The following NRXN3 variants were observed in gnomAD, a reference collection of about 807,000 sequenced individuals.
NRXN3 encodes neurexin III.
Under a neutral mutation model 137.6 loss-of-function variants are expected in NRXN3, and 32 were observed. That is an observed-to-expected ratio of 0.23 (90% CI 0.18 to 0.31). The LOEUF (loss-of-function observed/expected upper bound fraction) is 0.31. Among genes scored for constraint, NRXN3 ranks in the 10% least tolerant of loss-of-function variants. The pLI is 1.00. For missense variants in NRXN3, 1,574 were observed against 2,062.5 expected, an observed-to-expected ratio of 0.76 and a Z score of 4.59; for synonymous variants, 798 against 784.5, an observed-to-expected ratio of 1.02 and a Z score of -0.29.
chr14:79,684,250 T>C (rs1243583015), intron 17 of NRXN3, among the ~76,000 whole-genome samples: 2 of 151,334 alleles, frequency 1.3e-5, no homozygotes, highest in Non-Finnish European at 3.0e-5. Context: ...AAGTATGTTG[T>C]ATGAATGCAA....
At chr14:78,533,091 C>G (rs1250438328) in intron 4 of NRXN3, among the ~76,000 whole-genome samples, 1 of 149,928 alleles carries the variant, frequency 6.7e-6, no homozygotes, top group Non-Finnish European at 1.5e-5. Context: ...TCTCTCTCTC[C>G]CTCCAGCCTT....
At chr14:79,598,145 T>C (rs1279694381) in intron 16 of NRXN3, among the ~76,000 whole-genome samples, 3 of 152,182 alleles carry the variant, frequency 2.0e-5, no homozygotes, top group Non-Finnish European at 2.9e-5. Context: ...ATTTTAGAAA[T>C]AGGTGCTTTG....
At chr14:78,466,392 G>A (rs982608868) in intron 4 of NRXN3, among the ~76,000 whole-genome samples, 4 of 152,168 alleles carry the variant, frequency 2.6e-5, no homozygotes, top group African/African-American at 9.7e-5. Context: ...CATCAGAAAG[G>A]ACATAACAGG....
In NRXN3 at chr14:78,497,582, T is replaced by C. The variant is rs949475262; in HGVS notation, c.758-147538T>C. ...TAAATCCATTAATCTGTCTGTCCAT[T>C]CATCCATCCATCCATCCATCCATCC... is the stretch of plus-strand genomic sequence containing the variant. On this transcript the variant is annotated intron_variant, in intron 4 of 20. Coordinates refer to ENST00000335750, the MANE Select transcript of NRXN3 (RefSeq NM_001330195.2). Among the ~76,000 whole-genome samples the C allele has an allele frequency of 8.7e-4, 132 of 150,912 alleles. No homozygotes were observed. The East Asian group carries it at 0.017, about 19-fold the overall frequency.
chr14:78,278,632 A>G lies in NRXN3; in HGVS notation c.710-13A>G, dbSNP rs1215975436. On this transcript the variant is annotated splice_polypyrimidine_tract_variant and intron_variant, in intron 2 of 20. Transcript: ENST00000335750. The stretch of plus-strand genomic sequence containing the variant: ...CTCTCTCCCTTTCCCTCCCTTTGAA[A>G]ATGCTGCCACAGATGTCAGTCAAGA... 2.1e-5 allele frequency: 32 copies of G among 1,534,756 alleles called. 1 individual carries two copies. The South Asian group carries it at 3.1e-4, about 15-fold the overall frequency.
In NRXN3 at chr14:78,835,191, A is replaced by G. The variant is rs75180994; in HGVS notation, c.2275+24847A>G. Among the ~76,000 whole-genome samples, 1,612 of 152,228 alleles carry G rather than the reference A, an allele frequency of 0.011. 193 individuals are homozygous for G. The East Asian group carries it at 0.26, about 24-fold the overall frequency. On this transcript the variant is annotated intron_variant, in intron 10 of 20. Transcript: ENST00000335750. ...CCGGCAAAGGGAAGCAGGAGTAGAG[A>G]ATAGCGGTGGCGGACAATCAGTTAA...
chr14:79,130,411 C>T (rs1358555266), intron 15 of NRXN3, among the ~76,000 whole-genome samples: 24 of 151,622 alleles, frequency 1.6e-4, no homozygotes, highest in South Asian at 6.3e-4. Flanking sequence ...TTGTCTGTAA[C>T]GTATTTTATT....
At chr14:79,480,459 G>A (rs191229006) in intron 16 of NRXN3, among the ~76,000 whole-genome samples, 432 of 152,210 alleles carry the variant, frequency 2.8e-3, no homozygotes, top group African/African-American at 9.6e-3. Flanking sequence ...AAGCACAGCC[G>A]CCTCTTAAAA....
chr14:79,446,327 G>A lies in NRXN3; in HGVS notation c.3263-20894G>A, dbSNP rs142381676. ...TCTGTCTACTGCTTTTTATTCTGTTGTCCTCTTAGGTAGTACACAGCCCTT... is the reference window on the plus strand; with the variant it reads ...TCTGTCTACTGCTTTTTATTCTGTTATCCTCTTAGGTAGTACACAGCCCTT... On this transcript the variant is annotated intron_variant, in intron 15 of 20. Coordinates refer to ENST00000335750, the MANE Select transcript of NRXN3 (RefSeq NM_001330195.2). Among the ~76,000 whole-genome samples the A allele has an allele frequency of 6.5e-3, 981 of 152,046 alleles. 9 individuals carry two copies. Among genetic ancestry groups the A allele is most frequent in the African/African-American group, 0.022 (907 of 41,476 alleles).
chr14:78,536,556 G>A (rs535688562), intron 4 of NRXN3, among the ~76,000 whole-genome samples: 4 of 152,054 alleles, frequency 2.6e-5, no homozygotes, highest in Non-Finnish European at 5.9e-5. Context: ...GCTGGTCTGA[G>A]GCTTAATATG....
intron 10 of NRXN3, among the ~76,000 whole-genome samples, chr14:78,915,868 A>G (rs961135191): frequency 1.3e-5 from 2 of 152,160 alleles, no homozygotes; most frequent in African/African-American, 4.8e-5. Flanking sequence ...CAAGACACTC[A>G]AGAGAGTGTC....
rs766820470 is a variant in NRXN3, at chr14:78,878,186, G to T, written c.2275+67842G>T. Among the ~76,000 whole-genome samples the T allele has an allele frequency of 3.9e-5, 6 of 152,090 alleles. No homozygotes were observed. The South Asian group carries it at 6.2e-4, about 16-fold the overall frequency. On this transcript the variant is annotated intron_variant, in intron 10 of 20. Coordinates refer to ENST00000335750, the MANE Select transcript of NRXN3 (RefSeq NM_001330195.2). The stretch of plus-strand genomic sequence containing the variant: ...TTATTTTTCATAATCACAAGTAATT[G>T]GGCATGTCGTACTCAGTTATAAATA...
intron 10 of NRXN3, among the ~76,000 whole-genome samples, chr14:78,851,624 G>A (rs758902011): frequency 4.6e-5 from 7 of 152,148 alleles, no homozygotes; most frequent in African/African-American, 9.7e-5. Flanking sequence ...AGAGTTAGTC[G>A]TCTCCCAGAC....
At chr14:78,467,279 TG>T (rs1251786688) in intron 4 of NRXN3, among the ~76,000 whole-genome samples, 1 of 152,234 alleles carries the variant, frequency 6.6e-6, no homozygotes, top group Non-Finnish European at 1.5e-5. Flanking sequence ...TGTGTTAAAT[TG>T]TTTCTATTAT....
intron 8 of NRXN3, among the ~76,000 whole-genome samples, chr14:78,736,275 CA>C (rs1344386317): frequency 2.6e-5 from 4 of 152,134 alleles, no homozygotes; most frequent in Non-Finnish European, 5.9e-5. Flanking sequence ...AGTTAAAAGG[CA>C]AGATGGTGTG....
At chr14:79,336,757 A>G (rs1362737644) in intron 15 of NRXN3, among the ~76,000 whole-genome samples, 2 of 152,186 alleles carry the variant, frequency 1.3e-5, no homozygotes, top group Non-Finnish European at 2.9e-5. Flanking sequence ...TCAACTCCTA[A>G]GGCATAATTG....
chr14:79,488,034 C>T (rs1483123938), intron 16 of NRXN3, among the ~76,000 whole-genome samples: 1 of 152,120 alleles, frequency 6.6e-6, no homozygotes, highest in African/African-American at 2.4e-5. Context: ...ATTAGAGATA[C>T]TTCACTGATC....
chr14:79,070,271 A>G (rs888971834), intron 15 of NRXN3, among the ~76,000 whole-genome samples: 7 of 152,182 alleles, frequency 4.6e-5, no homozygotes, highest in African/African-American at 1.7e-4. Flanking sequence ...TAATCTTCTG[A>G]CTGTATGGTA....
rs971728454 is a variant in NRXN3, at chr14:79,070,424, A to G, written c.3262+82283A>G. Among the ~76,000 whole-genome samples, 5 of 152,330 alleles carry G rather than the reference A, an allele frequency of 3.3e-5. No individual in the cohort carries two copies. The East Asian group carries it at 9.6e-4, about 29-fold the overall frequency. On this transcript the variant is annotated intron_variant, in intron 15 of 20. Transcript: ENST00000335750. ...CCACTCTTTGTCAGCTGTGTGTGTG[A>G]CAAGAAACAAATCACAGCTCCATGA...
Sources: allele counts gnomAD v4.1 joint callset (sites outside exome capture counted in the v4.1 genomes callset), GRCh38; gene constraint gnomAD v4.1.1; transcripts MANE v1.5; gene names NCBI Gene and HGNC (gene_info 2026-07-23, HGNC 2026-07-21).